The following OSBPL10 variants were observed in gnomAD, a reference collection of about 807,000 sequenced individuals.
OSBPL10 encodes the protein oxysterol-binding protein-related protein 10.
OSBPL10 carries 49 observed loss-of-function variants against 81.7 expected under a neutral mutation model. That is an observed-to-expected ratio of 0.60 (90% CI 0.48 to 0.76). OSBPL10 has a LOEUF of 0.76. OSBPL10 is among the 30% of genes least tolerant of loss of function. The pLI, the probability that OSBPL10 is intolerant of heterozygous loss-of-function variation, is 0.00. For missense variants in OSBPL10, 923 were observed against 987.8 expected (o/e 0.93, Z 0.88); for synonymous variants, 419 against 383.6 (o/e 1.09, Z -1.08).
At chr3:31,892,550 G>C (rs1015832653) in intron 1 of OSBPL10, among the ~76,000 whole-genome samples, 6 of 152,122 alleles carry the variant, frequency 3.9e-5, no homozygotes, top group African/African-American at 1.4e-4. Context: ...CTATAAAACT[G>C]GACAAAACTG....
chr3:32,030,171 C>T (rs1475802779), intron 2 of OSBPL10: 6 of 230,262 alleles, frequency 2.6e-5, no homozygotes, highest in Non-Finnish European at 5.3e-5. Context: ...CGGCCAGAAC[C>T]GCCATCTTCC....
intron 2 of OSBPL10, among the ~76,000 whole-genome samples, chr3:31,994,999 A>G (rs1324547217): frequency 6.6e-6 from 1 of 152,174 alleles, no homozygotes; most frequent in Non-Finnish European, 1.5e-5. Flanking sequence ...TTTATTCAGG[A>G]TTTCAAAAGG....
chr3:32,035,614 A>C (rs1456383210), intron 2 of OSBPL10, among the ~76,000 whole-genome samples: 1 of 151,812 alleles, frequency 6.6e-6, no homozygotes, highest in African/African-American at 2.4e-5. Context: ...AAATAGGATC[A>C]GACACTAATT....
chr3:31,825,544 C>G (rs2125517457), intron 4 of OSBPL10, among the ~76,000 whole-genome samples: 1 of 152,222 alleles, frequency 6.6e-6, no homozygotes, highest in South Asian at 2.1e-4. Context: ...TCTTGAACTC[C>G]TGGACTCAAG....
intron 1 of OSBPL10, among the ~76,000 whole-genome samples, chr3:31,957,224 T>C (rs905502006): frequency 1.3e-5 from 2 of 152,246 alleles, no homozygotes; most frequent in Admixed American, 1.3e-4. Flanking sequence ...TTTTTTTAAC[T>C]ATCACAACTG....
At chr3:31,894,430 A>G (rs1005385336) in intron 1 of OSBPL10, among the ~76,000 whole-genome samples, 1 of 152,228 alleles carries the variant, frequency 6.6e-6, no homozygotes, top group African/African-American at 2.4e-5. Context: ...CAGAGTGACC[A>G]TGTCAAATGC....
At position 31,664,235 on chromosome 3, in the gene OSBPL10, G is replaced by T; in HGVS notation, c.2097-3C>A. The T allele has an allele frequency of 1.2e-6, 2 of 1,611,954 alleles. No homozygotes were observed. Among genetic ancestry groups the T allele is most frequent in the Non-Finnish European group, 1.7e-6 (2 of 1,179,946 alleles). On this transcript the variant is annotated splice_region_variant and splice_polypyrimidine_tract_variant and intron_variant, in intron 10 of 11. Coordinates refer to ENST00000396556, the MANE Select transcript of OSBPL10 (RefSeq NM_017784.5). ...GGGTCACCTCCCGCCAGAGGTTCCT[G>T]GGGATGCGTGGAGGAGAGGAAACAA...
intron 1 of OSBPL10, among the ~76,000 whole-genome samples, chr3:31,883,453 T>C (rs1240494049): frequency 6.6e-6 from 1 of 151,876 alleles, no homozygotes; most frequent in Non-Finnish European, 1.5e-5. Flanking sequence ...TTGGCCAGTC[T>C]AGTCTCAAAC....
In OSBPL10 at chr3:31,785,183, GA is replaced by G. The variant is rs1349662889; in HGVS notation, c.730-37064del. Among the ~76,000 whole-genome samples the G allele has an allele frequency of 3.9e-4, 60 of 152,128 alleles. 1 individual carries two copies. Among genetic ancestry groups the G allele is most frequent in the African/African-American group, 1.4e-3 (58 of 41,432 alleles). ...TACAGGCGTGAACCACCGCAGTCTTGAACCATATTTTCATTTGATGATATCA... is the reference window on the plus strand; with the variant it reads ...TACAGGCGTGAACCACCGCAGTCTTGACCATATTTTCATTTGATGATATCA... On this transcript the variant is annotated intron_variant, in intron 4 of 11. Transcript: ENST00000396556.
chr3:31,773,969 C>G (rs1351300401), intron 4 of OSBPL10, among the ~76,000 whole-genome samples: 1 of 152,136 alleles, frequency 6.6e-6, no homozygotes, highest in African/African-American at 2.4e-5. Flanking sequence ...CGAGACCAGC[C>G]TGACCAACAT....
intron 7 of OSBPL10, among the ~76,000 whole-genome samples, chr3:31,695,864 T>C (rs545560952): frequency 6.6e-6 from 1 of 152,148 alleles, no homozygotes; most frequent in South Asian, 2.1e-4. Flanking sequence ...ATTGAAGCAG[T>C]CCAGAGAGAA....
chr3:31,749,918 C>A (rs756882544), intron 4 of OSBPL10, among the ~76,000 whole-genome samples: 16 of 151,602 alleles, frequency 1.1e-4, no homozygotes, highest in Non-Finnish European at 2.1e-4. Flanking sequence ...TGGTGGCTCA[C>A]GCCTGTAATC....
intron 6 of OSBPL10, among the ~76,000 whole-genome samples, chr3:31,727,530 A>G (rs1016154823): frequency 6.6e-6 from 1 of 152,204 alleles, no homozygotes; most frequent in Non-Finnish European, 1.5e-5. Context: ...AACTTGATCA[A>G]TGATATTTCC....
chr3:31,755,228 C>T (rs1697850295), intron 4 of OSBPL10, among the ~76,000 whole-genome samples: 1 of 152,150 alleles, frequency 6.6e-6, no homozygotes. Context: ...CATAGCTGCA[C>T]CTTGCCCCCA....
At chr3:31,815,632 G>C (rs1018158364) in intron 4 of OSBPL10, among the ~76,000 whole-genome samples, 2 of 152,126 alleles carry the variant, frequency 1.3e-5, no homozygotes, top group Non-Finnish European at 2.9e-5. Context: ...TGCCTCTGCT[G>C]GAAGCTGAAC....
At chr3:32,002,694 G>T (rs961607939) in intron 2 of OSBPL10, among the ~76,000 whole-genome samples, 4 of 152,172 alleles carry the variant, frequency 2.6e-5, no homozygotes, top group Non-Finnish European at 4.4e-5. Context: ...GATAGTCTAA[G>T]ATTTTAGAGA....
intron 4 of OSBPL10, among the ~76,000 whole-genome samples, chr3:31,813,400 A>G (rs1559476836): frequency 2.6e-5 from 4 of 152,130 alleles, no homozygotes; most frequent in Non-Finnish European, 2.9e-5. Flanking sequence ...TGAAGCCTAC[A>G]CCAGTTACTC....
intron 1 of OSBPL10, among the ~76,000 whole-genome samples, chr3:31,960,860 C>T (rs554169054): frequency 6.6e-6 from 1 of 152,244 alleles, no homozygotes; most frequent in South Asian, 2.1e-4. Flanking sequence ...CCTCTTTATC[C>T]TCTTTAATCC....
At chr3:31,809,884 T>TTTTC (rs1203103876) in intron 4 of OSBPL10, among the ~76,000 whole-genome samples, 1 of 149,634 alleles carries the variant, frequency 6.7e-6, no homozygotes, top group Non-Finnish European at 1.5e-5. Context: ...TTTTTTTTTT[T>TTTTC]TTTTGAGATG....
Sources: allele counts gnomAD v4.1 joint callset (sites outside exome capture counted in the v4.1 genomes callset), GRCh38; gene constraint gnomAD v4.1.1; transcripts MANE v1.5; gene names NCBI Gene and HGNC (gene_info 2026-07-23, HGNC 2026-07-21).